The following FAM53C variants were observed in gnomAD, a reference collection of about 807,000 sequenced individuals.
FAM53C encodes the protein family with sequence similarity 53 member C.
Under a neutral mutation model 34.7 loss-of-function variants are expected in FAM53C, and 10 were observed. The ratio of observed to expected loss-of-function variants is 0.29; its 90% confidence interval spans 0.18 to 0.49. The LOEUF (loss-of-function observed/expected upper bound fraction) is 0.49, where lower values mean the gene tolerates loss of function less well. FAM53C is among the 20% of genes least tolerant of loss of function. FAM53C has a pLI of 0.99. For synonymous variants in FAM53C, 203 were observed against 203.6 expected (o/e 1.00, Z 0.03); for missense variants, 442 against 515.3 (o/e 0.86, Z 1.38).
At position 138,338,311 on chromosome 5, in the gene FAM53C, G is replaced by A; in HGVS notation, c.-153+4G>A. On this transcript the variant is annotated splice_donor_region_variant and intron_variant, in intron 1 of 4. Transcript: ENST00000239906. ...CCTGGGAGCTGGAGGAACCGCGGTA[G>A]GTGGTGGAGGGCAGGTGGCGCTGGG... is the stretch of plus-strand genomic sequence containing the variant. The A allele has an allele frequency of 3.8e-6, 2 of 528,824 alleles. 1 individual carries two copies. The highest frequency in any genetic ancestry group is 3.1e-5 in the South Asian group (2 of 65,556). The allele number at this position is 528,824 out of a possible 1,614,324, so 32.8% of individuals were successfully genotyped here.
At position 138,345,716 on chromosome 5, in the gene FAM53C, CAG is replaced by C. The variant is rs1203687863; in HGVS notation, c.921+108_921+109del. On this transcript the variant is annotated intron_variant, in intron 4 of 4. Coordinates refer to ENST00000239906, the MANE Select transcript of FAM53C (RefSeq NM_016605.3). The surrounding 1 kb of genome is among the most constrained non-coding windows in gnomAD (Gnocchi z 6.3). ...ATTACCCTGCCGCCCCCACCACCAA[CAG>C]CACCTCCTTTAGCTCTTAGCTAGGG... 3 of 1,300,096 alleles carry C rather than the reference CAG, an allele frequency of 2.3e-6. No individual in the cohort carries two copies. In the African/African-American group the frequency reaches 4.4e-5, roughly 19 times the overall value. 80.5% of individuals were successfully genotyped at this position (1,300,096 alleles called of 1,614,324 possible). A position where few individuals can be genotyped will look rare whatever the true frequency, so the allele number is the denominator to read the frequency against.
chr5:138,344,085 G>T (rs556595678), intron 3 of FAM53C, among the ~76,000 whole-genome samples: 159 of 152,292 alleles, frequency 1.0e-3, no homozygotes, highest in Non-Finnish European at 1.9e-3. Context: ...AGTGAGGATT[G>T]TTTCTTTTAG....
intron 1 of FAM53C, among the ~76,000 whole-genome samples, chr5:138,339,396 A>G (rs1166929238): frequency 6.6e-6 from 1 of 152,178 alleles, no homozygotes; most frequent in Non-Finnish European, 1.5e-5. Context: ...GCGTGGTGGT[A>G]GTTGCATTGT....
intron 1 of FAM53C, among the ~76,000 whole-genome samples, chr5:138,340,721 C>G (rs941512098): frequency 6.6e-6 from 1 of 152,224 alleles, no homozygotes; most frequent in Non-Finnish European, 1.5e-5. Flanking sequence ...CCTATGTACT[C>G]AGGTCTAAAG....
rs1331053422 is a variant in FAM53C, at chr5:138,341,801, T to C, written c.79-8T>C. ...TCCAAATCATGATGGATATTCTCTCTTTCTTAGCCTTTGCCTGATCATGCA... is the reference window on the plus strand; with the variant it reads ...TCCAAATCATGATGGATATTCTCTCCTTCTTAGCCTTTGCCTGATCATGCA... On this transcript the variant is annotated splice_polypyrimidine_tract_variant and splice_region_variant and intron_variant, in intron 2 of 4. Coordinates refer to ENST00000239906, the MANE Select transcript of FAM53C (RefSeq NM_016605.3). 6.2e-7 allele frequency: 1 copy of C among 1,614,042 alleles called. No homozygotes were observed. Among genetic ancestry groups the C allele is most frequent in the South Asian group, 1.1e-5 (1 of 91,084 alleles).
chr5:138,343,397 C>G (rs576434480), intron 3 of FAM53C, among the ~76,000 whole-genome samples: 47 of 151,974 alleles, frequency 3.1e-4, no homozygotes, highest in African/African-American at 1.1e-3. Flanking sequence ...GTAATCCCAG[C>G]TACTCAGGAG....
intron 1 of FAM53C, among the ~76,000 whole-genome samples, chr5:138,339,615 T>C (rs1404343796): frequency 6.6e-6 from 1 of 151,746 alleles, no homozygotes; most frequent in African/African-American, 2.4e-5. Flanking sequence ...TGCACTTAGG[T>C]TCCCTCTCTG....
In FAM53C at chr5:138,345,395, G is replaced by A. The variant is rs1580858779; in HGVS notation, c.707G>A (p.Ser236Asn). ...CAGCGCCGCTTCTCCCTGTCACCCA[G>A]TCTGGGCCCGCAGGCAAGCCGCTTC... ...PPQRRFSLSP[S>N]LGPQASRFLP... Residue 236 changes from serine (S) to asparagine (N), a missense_variant, in exon 4 of 5, where the codon AGT (serine) becomes AAT (asparagine). By Grantham distance (46) the Ser-to-Asn change is conservative (BLOSUM62 1). Transcript: ENST00000239906. This position sits in a 1 kb window ranked among gnomAD's most constrained non-coding sequence, Gnocchi z 6.3. The A allele has an allele frequency of 3.7e-6, 6 of 1,614,030 alleles. No individual in the cohort carries two copies. Among genetic ancestry groups the A allele is most frequent in the Non-Finnish European group, 5.1e-6 (6 of 1,180,036 alleles).
Position 138,347,248 on chromosome 5 carries a change from G to C in FAM53C, c.*289G>C, listed in dbSNP as rs2126891983. 2.2e-6 allele frequency: 1 copy of C among 456,112 alleles called. No homozygotes were observed. Among genetic ancestry groups the C allele is most frequent in the South Asian group, 2.4e-5 (1 of 41,506 alleles). 28.3% of individuals were successfully genotyped at this position (456,112 alleles called of 1,614,324 possible). A position where few individuals can be genotyped will look rare whatever the true frequency, so the allele number is the denominator to read the frequency against. Reference sequence around the variant, plus strand: ...ACCAAGAGAGCAATGGGCAGGGAAGGAAGGGGTCTGCCGACCCCAGCTCGG... The same window carrying C: ...ACCAAGAGAGCAATGGGCAGGGAAGCAAGGGGTCTGCCGACCCCAGCTCGG... On this transcript the variant is annotated 3_prime_UTR_variant, in exon 5 of 5. Coordinates refer to ENST00000239906, the MANE Select transcript of FAM53C (RefSeq NM_016605.3).
intron 3 of FAM53C, chr5:138,342,165 T>C (rs190362763): frequency 1.9e-4 from 72 of 369,260 alleles, no homozygotes; most frequent in African/African-American, 1.4e-3. Flanking sequence ...AAAGTCTCTC[T>C]TACTCTCCCG....
At position 138,344,835 on chromosome 5, in the gene FAM53C, C is replaced by A; in HGVS notation, c.147C>A (p.Ser49=). ...ATAAATGCCTTCCAGAAGGTGCTTC[C>A]TGGAGGGGCCTGCCCCACTGTTCCT... ...NSFQLVSEGA[S]WRGLPHCSCA... The change falls in exon 4 of 5, where the codon TCC becomes TCA. Residue 49 remains serine (S), a synonymous_variant. Coordinates refer to ENST00000239906, the MANE Select transcript of FAM53C (RefSeq NM_016605.3). 1 of 1,543,634 alleles carries A rather than the reference C, an allele frequency of 6.5e-7. No homozygotes were observed. Among genetic ancestry groups the A allele is most frequent in the South Asian group, 1.2e-5 (1 of 80,882 alleles).
chr5:138,338,540 A>C (rs1367753491), intron 1 of FAM53C, among the ~76,000 whole-genome samples: 1 of 151,522 alleles, frequency 6.6e-6, no homozygotes, highest in African/African-American at 2.4e-5. Context: ...AGATGATGGA[A>C]CCTAGTGGGA....
chr5:138,339,934 A>T (rs942350261), intron 1 of FAM53C, among the ~76,000 whole-genome samples: 1 of 152,170 alleles, frequency 6.6e-6, no homozygotes, highest in African/African-American at 2.4e-5. Flanking sequence ...TCTGCCCCCA[A>T]GGTCACAGAA....
intron 3 of FAM53C, 75 bp downstream of exon 3, chr5:138,341,941 G>A: frequency 2.7e-6 from 4 of 1,470,300 alleles, no homozygotes; most frequent in East Asian, 2.3e-5. Flanking sequence ...TTGGTTTCCA[G>A]TGACCAGGGC....
chr5:138,343,471 A>G (rs1034149516), intron 3 of FAM53C, among the ~76,000 whole-genome samples: 3 of 151,420 alleles, frequency 2.0e-5, no homozygotes, highest in African/African-American at 7.3e-5. Context: ...GATCGCACCC[A>G]CTGCACTCCA....
At chr5:138,337,910 T>C (rs1475552314), upstream of FAM53C, 1 of 1,257,826 alleles carries the variant, frequency 8.0e-7, no homozygotes, top group East Asian at 5.6e-5. Flanking sequence ...GAGGCTGCAG[T>C]TGGGCCGTTG....
upstream of FAM53C, chr5:138,338,194 C>T (rs965373389): frequency 2.3e-6 from 3 of 1,284,824 alleles, no homozygotes; most frequent in Non-Finnish European, 2.0e-6. Context: ...GAGCTGTCCC[C>T]CTACTCTCCT....
chr5:138,341,692 T>C (rs1194549250), intron 2 of FAM53C, 117 bp from the exon 3 acceptor site: 1 of 929,616 alleles, frequency 1.1e-6, no homozygotes, highest in Non-Finnish European at 1.8e-6. Flanking sequence ...GAAGAACACT[T>C]AATGTCCCTA....
chr5:138,341,763 A>C (rs765012118), intron 2 of FAM53C, 46 bp from the exon 3 acceptor site: 1 of 1,566,490 alleles, frequency 6.4e-7, no homozygotes, highest in East Asian at 2.2e-5. Context: ...GAAATCTGTC[A>C]GTGTGTCCTG....
Sources: allele counts gnomAD v4.1 joint callset (sites outside exome capture counted in the v4.1 genomes callset), GRCh38; gene constraint gnomAD v4.1.1; non-coding constraint Gnocchi (gnomAD v3.1); transcripts MANE v1.5; gene names NCBI Gene and HGNC (gene_info 2026-07-23, HGNC 2026-07-21).